SGMS1: variants seen among roughly 807,000 people sequenced by gnomAD.
SGMS1 encodes sphingomyelin synthase 1, also known as phosphatidylcholine:ceramide cholinephosphotransferase 1.
In SGMS1, 13 loss-of-function variants were observed where a neutral mutation model predicts 46.2. The observed-to-expected ratio is 0.28, with a 90% confidence interval of 0.18 to 0.45. The LOEUF (loss-of-function observed/expected upper bound fraction) is 0.45, where lower values mean the gene tolerates loss of function less well. Ranked by LOEUF, SGMS1 falls within the 20% of genes least tolerant of loss-of-function variation. SGMS1 has a pLI of 1.00. For synonymous variants in SGMS1, 203 were observed against 187.8 expected (o/e 1.08, Z -0.66); for missense variants, 324 against 519.9 (o/e 0.62, Z 3.66).
chr10:50,311,460 C>A (rs551506157), intron 8 of SGMS1, 45 bp from the exon 9 acceptor site: 6 of 1,585,758 alleles, frequency 3.8e-6, no homozygotes, highest in Non-Finnish European at 5.2e-6. Context: ...TCATTACGAG[C>A]CCACATGAAA....
intron 3 of SGMS1, among the ~76,000 whole-genome samples, chr10:50,513,071 A>G (rs1837771423): frequency 6.6e-6 from 1 of 152,168 alleles, no homozygotes; most frequent in Admixed American, 6.5e-5. Context: ...CTACCATTAC[A>G]ATGCTATTTT....
chr10:50,433,379 C>G (rs966425221), intron 6 of SGMS1, 97 bp downstream of exon 6: 9 of 152,292 alleles, frequency 5.9e-5, no homozygotes, highest in Admixed American at 4.6e-4. Context: ...CTTTTGCACT[C>G]AAGTTAGTTG....
chr10:50,553,085 G>A (rs550064804), intron 2 of SGMS1, among the ~76,000 whole-genome samples: 4 of 152,272 alleles, frequency 2.6e-5, no homozygotes, highest in East Asian at 3.9e-4. Context: ...AAACAACCAC[G>A]GTGCCAATCA....
chr10:50,457,769 A>G (rs1837211185), intron 5 of SGMS1, among the ~76,000 whole-genome samples: 1 of 152,200 alleles, frequency 6.6e-6, no homozygotes. Flanking sequence ...GGCTGTAAAT[A>G]TTCATCAAAT....
chr10:50,546,016 A>T (rs928591731), intron 2 of SGMS1, among the ~76,000 whole-genome samples: 1 of 152,194 alleles, frequency 6.6e-6, no homozygotes, highest in Admixed American at 6.5e-5. Context: ...GAAGCCTGGA[A>T]CCACAGGCCA....
At chr10:50,623,455 G>A in intron 1 of SGMS1, 2 of 442,896 alleles carry the variant, frequency 4.5e-6, no homozygotes, top group Non-Finnish European at 6.0e-6. Flanking sequence ...GGGGAGCCCC[G>A]CCGGCGGCCC....
At chr10:50,477,144 T>C (rs1218682438) in intron 3 of SGMS1, among the ~76,000 whole-genome samples, 1 of 152,218 alleles carries the variant, frequency 6.6e-6, no homozygotes, top group African/African-American at 2.4e-5. Flanking sequence ...AAAGCAGCCA[T>C]GAGGGCTGAG....
chr10:50,414,994 G>A (rs150204792), intron 6 of SGMS1, among the ~76,000 whole-genome samples: 2 of 152,220 alleles, frequency 1.3e-5, no homozygotes, highest in Admixed American at 6.5e-5. Flanking sequence ...TGATGCCGGC[G>A]CCTGTAGTCC....
At chr10:50,389,082 A>G (rs1848727533) in intron 6 of SGMS1, among the ~76,000 whole-genome samples, 1 of 152,216 alleles carries the variant, frequency 6.6e-6, no homozygotes, top group African/African-American at 2.4e-5. Context: ...TATGTAGCCT[A>G]TAACATCATG....
At chr10:50,362,800 G>A (rs545981526) in intron 6 of SGMS1, among the ~76,000 whole-genome samples, 1 of 152,264 alleles carries the variant, frequency 6.6e-6, no homozygotes. Context: ...AACAAGACAT[G>A]ATTTTTTTCT....
intron 3 of SGMS1, among the ~76,000 whole-genome samples, chr10:50,508,595 A>G (rs560290063): frequency 1.3e-5 from 2 of 152,284 alleles, no homozygotes; most frequent in Admixed American, 6.5e-5. Context: ...AGACCTCTTT[A>G]AGTAAAGGAT....
At chr10:50,610,289 C>T (rs779527350) in intron 1 of SGMS1, among the ~76,000 whole-genome samples, 1 of 152,218 alleles carries the variant, frequency 6.6e-6, no homozygotes, top group African/African-American at 2.4e-5. Context: ...TATGAAGGAA[C>T]TTTCCATGGC....
chr10:50,483,836 T>C (rs959803218), intron 3 of SGMS1, among the ~76,000 whole-genome samples: 1 of 152,140 alleles, frequency 6.6e-6, no homozygotes, highest in Non-Finnish European at 1.5e-5. Context: ...AGAAGTTCTT[T>C]GAAACTAGTG....
intron 4 of SGMS1, among the ~76,000 whole-genome samples, chr10:50,463,890 G>A (rs1419453212): frequency 6.6e-6 from 1 of 152,130 alleles, no homozygotes; most frequent in African/African-American, 2.4e-5. Context: ...GAACCCTGAG[G>A]ACATTATGCA....
At chr10:50,311,449 T>C (rs1047340451) in intron 8 of SGMS1, 34 bp from the exon 9 acceptor site, 11 of 1,603,564 alleles carry the variant, frequency 6.9e-6, no homozygotes, top group African/African-American at 2.7e-5. Context: ...AAAAAGAAGA[T>C]TCATTACGAG....
At chr10:50,509,809 TA>T (rs1183446214) in intron 3 of SGMS1, among the ~76,000 whole-genome samples, 2 of 152,322 alleles carry the variant, frequency 1.3e-5, no homozygotes, top group East Asian at 1.9e-4. Context: ...CTTATCCAAG[TA>T]GCTAACAAAA....
chr10:50,420,630 A>G (rs1179280272), intron 6 of SGMS1, among the ~76,000 whole-genome samples: 2 of 152,250 alleles, frequency 1.3e-5, no homozygotes, highest in African/African-American at 4.8e-5. Context: ...TTTTATATTT[A>G]TGTAATTGTT....
chr10:50,497,184 T>C (rs1837622443), intron 3 of SGMS1, among the ~76,000 whole-genome samples: 1 of 152,184 alleles, frequency 6.6e-6, no homozygotes, highest in Admixed American at 6.5e-5. Flanking sequence ...TTCCCCACAA[T>C]AGGGTAGCCT....
intron 3 of SGMS1, among the ~76,000 whole-genome samples, chr10:50,499,282 G>A (rs1837641557): frequency 6.6e-6 from 1 of 152,188 alleles, no homozygotes; most frequent in Non-Finnish European, 1.5e-5. Flanking sequence ...GTGAAATGGA[G>A]CTATGAATAT....
Sources: allele counts gnomAD v4.1 joint callset (sites outside exome capture counted in the v4.1 genomes callset), GRCh38; gene constraint gnomAD v4.1.1; transcripts MANE v1.5; gene names NCBI Gene and HGNC (gene_info 2026-07-23, HGNC 2026-07-21).